The following GNGT2 variants were observed in gnomAD, a reference collection of about 807,000 sequenced individuals.
GNGT2 encodes the protein G protein subunit gamma transducin 2.
GNGT2 carries 4 observed loss-of-function variants against 3.5 expected under a neutral mutation model. That is an observed-to-expected ratio of 1.13 (90% CI 0.56 to 2.59). The LOEUF is 2.59. GNGT2 is among the 30% of genes most tolerant of loss of function. GNGT2 has a pLI of 0.02. For missense variants in GNGT2, 64 were observed against 81.2 expected, an observed-to-expected ratio of 0.79 and a Z score of 0.82; for synonymous variants, 31 against 29.5, an observed-to-expected ratio of 1.05 and a Z score of -0.17.
At position 49,206,823 on chromosome 17, in the gene GNGT2, AG is replaced by A. The variant is rs1325799814; in HGVS notation, c.143del (p.Pro48LeufsTer20). 1 of 1,613,730 alleles carries A rather than the reference AG, an allele frequency of 6.2e-7. No individual in the cohort carries two copies. Among genetic ancestry groups the A allele is most frequent in the East Asian group, 2.2e-5 (1 of 44,864 alleles). On this transcript the variant is annotated frameshift_variant, in exon 4 of 4. Coordinates refer to ENST00000507680, the MANE Select transcript of GNGT2 (RefSeq NM_001198754.2). LOFTEE classifies it high-confidence loss of function. Reference protein sequence around the residue: ...EYVEAQAGNDPFLKGIPEDKN... With the variant: ...EYVEAQAGNDXFLKGIPEDKN... ...TGTCCTCAGGGATGCCTTTGAGAAA[AG>A]GATCGTTTCCTGCTTGGGCCTCCAC...
intron 1 of GNGT2, chr17:49,209,302 C>A (rs1369394937): frequency 1.3e-5 from 2 of 152,332 alleles, no homozygotes; most frequent in African/African-American, 4.8e-5. Context: ...CGGCCCCTAA[C>A]CTCCTTAACC....
At chr17:49,208,523 T>C (rs1048599258) in intron 2 of GNGT2, among the ~76,000 whole-genome samples, 10 of 151,804 alleles carry the variant, frequency 6.6e-5, no homozygotes, top group Middle Eastern at 3.5e-3. Flanking sequence ...ACTCCAACTC[T>C]GATCTGCTGC....
chr17:49,207,478 T>G lies in GNGT2; in HGVS notation c.-22-34A>C, dbSNP rs905637171. The G allele has an allele frequency of 1.5e-5, 18 of 1,179,212 alleles. No homozygotes were observed. In the Middle Eastern group the frequency reaches 5.7e-4, roughly 37 times the overall value. The allele number at this position is 1,179,212 out of a possible 1,614,324, so 73.0% of individuals were successfully genotyped here. ...GATTCAGCAGCCAGGATCATAAATC[T>G]CATCAGCTCTTCCAGCTCCCTCCAC... On this transcript the variant is annotated intron_variant, in intron 2 of 3. Transcript: ENST00000507680.
chr17:49,209,879 C>A (rs755523985), intron 1 of GNGT2, among the ~76,000 whole-genome samples: 2 of 152,134 alleles, frequency 1.3e-5, no homozygotes, highest in African/African-American at 4.8e-5. Flanking sequence ...ACAGCCCATA[C>A]CTCCTAGGCA....
chr17:49,209,841 G>T (rs1398051516), intron 1 of GNGT2, among the ~76,000 whole-genome samples: 2 of 152,128 alleles, frequency 1.3e-5, no homozygotes, highest in African/African-American at 2.4e-5. Flanking sequence ...AGGTTGTCTG[G>T]TACAACTGTC....
In GNGT2 at chr17:49,206,784, C is replaced by T. The variant is rs761188599; in HGVS notation, c.183G>A (p.Lys61=). The change falls in exon 4 of 4, where the codon AAG becomes AAA. Residue 61 remains lysine, a synonymous_variant. Transcript: ENST00000507680. ...AGCTTATCAGACAGCCACCTTTCTC[C>T]TTGAAGGGATTCTTGTCCTCAGGGA... ...KGIPEDKNPF[K]EKGGCLIS 7 of 1,613,904 alleles carry T rather than the reference C, an allele frequency of 4.3e-6. No individual in the cohort carries two copies. The highest frequency in any genetic ancestry group is 5.9e-6 in the Non-Finnish European group (7 of 1,179,906).
chr17:49,209,994 C>A (rs898230505), intron 1 of GNGT2, among the ~76,000 whole-genome samples: 2 of 152,164 alleles, frequency 1.3e-5, no homozygotes, highest in Non-Finnish European at 2.9e-5. Flanking sequence ...TAATCTGAGT[C>A]CCTCACATTA....
rs9895097 is a variant in GNGT2 at position 49,207,390 on chromosome 17, C to A, written c.33G>T (p.Leu11Phe). The stretch of plus-strand genomic sequence containing the variant: ...TCTTCAGCTGCTCCACCTCCATCTT[C>A]AACAGGTCCTTCTCGCTGAGATCCT... MAQDLSEKDL[L>F]KMEVEQLKKE... Residue 11 changes from leucine to phenylalanine, a missense_variant, in exon 3 of 4, where the codon TTG becomes TTT. Leu to Phe is a conservative substitution (Grantham distance 22). Transcript: ENST00000507680. 3,167 of 1,613,826 alleles carry A rather than the reference C, an allele frequency of 2.0e-3. 60 individuals are homozygous for A. The African/African-American group carries it at 0.035, about 18-fold the overall frequency.
At chr17:49,208,042 A>G (rs546609405) in intron 2 of GNGT2, among the ~76,000 whole-genome samples, 2 of 152,280 alleles carry the variant, frequency 1.3e-5, no homozygotes, top group African/African-American at 4.8e-5. Context: ...GTGAGTGCCT[A>G]TAATCCCAGC....
In GNGT2 at chr17:49,210,542, G is replaced by A; in HGVS notation, c.-231C>T. 1 of 533,336 alleles carries A rather than the reference G, an allele frequency of 1.9e-6. No individual in the cohort carries two copies. Among genetic ancestry groups the A allele is most frequent in the Non-Finnish European group, 3.4e-6 (1 of 297,740 alleles). The allele number at this position is 533,336 out of a possible 1,614,324, so 33.0% of individuals were successfully genotyped here. ...CAGGGGACAGAGAGACACAGGCTCG[G>A]GGAGCAGGACTGACTTCCTCTTGTC... is the stretch of plus-strand genomic sequence containing the variant. On this transcript the variant is annotated 5_prime_UTR_variant, in exon 1 of 4. Transcript: ENST00000507680. This position sits in a 1 kb window ranked among gnomAD's most constrained non-coding sequence, Gnocchi z 4.2.
At chr17:49,206,991 G>A in intron 3 of GNGT2, 109 bp from the exon 4 acceptor site, 3 of 1,147,784 alleles carry the variant, frequency 2.6e-6, no homozygotes, top group Non-Finnish European at 3.9e-6. Flanking sequence ...AGGGGCCAAA[G>A]AGGAGAAAGA....
intron 2 of GNGT2, 65 bp downstream of exon 2, chr17:49,208,780 C>G (rs2043130235): frequency 1.3e-5 from 2 of 152,106 alleles, no homozygotes; most frequent in Non-Finnish European, 2.9e-5. Flanking sequence ...GAAGGCCTTC[C>G]TGGTGCCTAG....
chr17:49,208,820 C>G (rs1216834443), intron 2 of GNGT2, 25 bp downstream of exon 2: 1 of 152,170 alleles, frequency 6.6e-6, no homozygotes, highest in East Asian at 1.9e-4. Flanking sequence ...AGATCCCAGC[C>G]CAGTGCAACC....
At chr17:49,208,237 G>A (rs1015865381) in intron 2 of GNGT2, among the ~76,000 whole-genome samples, 3 of 152,116 alleles carry the variant, frequency 2.0e-5, no homozygotes, top group African/African-American at 7.2e-5. Flanking sequence ...GAGACAGGCA[G>A]ATCACCTGAG....
intron 2 of GNGT2, 36 bp from the exon 3 acceptor site, chr17:49,207,480 A>C: frequency 2.9e-5 from 34 of 1,167,186 alleles, no homozygotes; most frequent in African/African-American, 6.0e-5. Context: ...CATAAATCTC[A>C]TCAGCTCTTC....
chr17:49,206,430 G>A lies in GNGT2; in HGVS notation c.*327C>T, dbSNP rs1249579991. 14 of 270,302 alleles carry A rather than the reference G, an allele frequency of 5.2e-5. No homozygotes were observed. The highest frequency in any genetic ancestry group is 2.5e-4 in the African/African-American group (11 of 43,894). 16.7% of individuals were successfully genotyped at this position (270,302 alleles called of 1,614,324 possible). A position where few individuals can be genotyped will look rare whatever the true frequency, so the allele number is the denominator to read the frequency against. ...GAAAAGACGGAGGGGTTCCCAGGTG[G>A]TGTAAGTGCTTCCTAAGGACTGCCC... On this transcript the variant is annotated 3_prime_UTR_variant, in exon 4 of 4. Transcript: ENST00000507680.
intron 2 of GNGT2, among the ~76,000 whole-genome samples, chr17:49,208,461 C>CA (rs549993684): frequency 0.017 from 2,061 of 124,118 alleles, 14 homozygotes; most frequent in South Asian, 0.046. Context: ...GACTCCATCT[C>CA]AAAAAAAAAA....
chr17:49,209,613 C>T (rs1567878708), intron 1 of GNGT2, among the ~76,000 whole-genome samples: 1 of 152,146 alleles, frequency 6.6e-6, no homozygotes, highest in Non-Finnish European at 1.5e-5. Flanking sequence ...CTCTGGTTGA[C>T]ACCCATCCAA....
At position 49,206,772 on chromosome 17, in the gene GNGT2, G is replaced by A; in HGVS notation, c.195C>T (p.Gly65=). The change falls in exon 4 of 4, where the codon GGC becomes GGT. Residue 65 remains glycine (G), a synonymous_variant. Transcript: ENST00000507680. ...CTCCATGCCATCAGCTTATCAGACAGCCACCTTTCTCCTTGAAGGGATTCT... is the reference window on the plus strand; with the variant it reads ...CTCCATGCCATCAGCTTATCAGACAACCACCTTTCTCCTTGAAGGGATTCT... ...EDKNPFKEKG[G]CLIS 1 of 1,613,374 alleles carries A rather than the reference G, an allele frequency of 6.2e-7. No individual in the cohort carries two copies. Among genetic ancestry groups the A allele is most frequent in the Non-Finnish European group, 8.5e-7 (1 of 1,179,686 alleles).
Sources: gnomAD v4.1 joint callset for allele counts (sites outside exome capture counted in the v4.1 genomes callset) on GRCh38, gnomAD v4.1.1 for gene constraint, Gnocchi (gnomAD v3.1) non-coding constraint, MANE v1.5 for transcripts, NCBI Gene and HGNC (gene_info 2026-07-23, HGNC 2026-07-21) for gene names.